KHDRBS3: variants seen among roughly 807,000 people sequenced by gnomAD.
KHDRBS3 encodes the protein KH RNA binding domain containing, signal transduction associated 3.
A neutral mutation model predicts 45.6 loss-of-function variants in KHDRBS3; 23 were observed. The ratio of observed to expected loss-of-function variants is 0.50; its 90% confidence interval spans 0.36 to 0.72. The LOEUF (loss-of-function observed/expected upper bound fraction) is 0.72. Ranked by LOEUF, KHDRBS3 falls within the 30% of genes least tolerant of loss-of-function variation. The probability of loss-of-function intolerance (pLI) is 0.00; values close to 1 mark genes in which losing one functional copy is unlikely to be tolerated. For synonymous variants in KHDRBS3, 162 were observed against 156.5 expected (o/e 1.04, Z -0.26); for missense variants, 352 against 424.8 (o/e 0.83, Z 1.51).
At chr8:135,573,866 G>A (rs1268450595) in intron 5 of KHDRBS3, among the ~76,000 whole-genome samples, 2 of 152,092 alleles carry the variant, frequency 1.3e-5, no homozygotes, top group African/African-American at 4.8e-5. Context: ...CAAAAAGAAA[G>A]AATTATTGCA....
intron 1 of KHDRBS3, among the ~76,000 whole-genome samples, chr8:135,463,690 G>A (rs1821546868): frequency 6.6e-6 from 1 of 152,172 alleles, no homozygotes; most frequent in Non-Finnish European, 1.5e-5. Context: ...TCTTACCTGA[G>A]AGAGTTATCC....
chr8:135,625,642 ACTT>A, intron 7 of KHDRBS3: 1 of 844,622 alleles, frequency 1.2e-6, no homozygotes, highest in Non-Finnish European at 2.1e-6. Context: ...GCATCAAAAA[ACTT>A]CTTGAAACAC....
At chr8:135,461,915 T>C (rs1279757676) in intron 1 of KHDRBS3, among the ~76,000 whole-genome samples, 1 of 152,230 alleles carries the variant, frequency 6.6e-6, no homozygotes, top group Non-Finnish European at 1.5e-5. Context: ...TATCAGTTTC[T>C]CAAATATTAC....
chr8:135,611,120 T>C (rs1829689975), intron 7 of KHDRBS3, among the ~76,000 whole-genome samples: 1 of 151,902 alleles, frequency 6.6e-6, no homozygotes, highest in African/African-American at 2.4e-5. Flanking sequence ...CTACCTTCTT[T>C]GAAGTGATCT....
chr8:135,632,368 C>T (rs1437208508), intron 7 of KHDRBS3, among the ~76,000 whole-genome samples: 2 of 152,002 alleles, frequency 1.3e-5, no homozygotes, highest in African/African-American at 4.8e-5. Context: ...CTCTTCTTGC[C>T]CTCTGCATTC....
intron 6 of KHDRBS3, among the ~76,000 whole-genome samples, chr8:135,594,097 T>C (rs575764819): frequency 6.6e-6 from 1 of 152,358 alleles, no homozygotes; most frequent in South Asian, 2.1e-4. Context: ...GTCATCTTTA[T>C]ACATTTTTAT....
chr8:135,536,988 A>T (rs79770780), intron 2 of KHDRBS3, among the ~76,000 whole-genome samples: 2 of 83,258 alleles, frequency 2.4e-5, no homozygotes, highest in East Asian at 4.1e-4. Flanking sequence ...AAAAAAAAAA[A>T]AAAAAAAAAG....
At position 135,529,720 on chromosome 8, in the gene KHDRBS3, AAC is replaced by A. The variant is rs748782454; in HGVS notation, c.207+8367_207+8368del. On this transcript the variant is annotated intron_variant, in intron 2 of 8. Transcript: ENST00000355849. Reference sequence around the variant, plus strand: ...TTTTTATTACATTTAAAAGACTAGAAACAGTCTATTACATGTATGTTTGTCAC... The same window carrying A: ...TTTTTATTACATTTAAAAGACTAGAAAGTCTATTACATGTATGTTTGTCAC... Among the ~76,000 whole-genome samples the A allele has an allele frequency of 4.5e-4, 69 of 152,314 alleles. 1 individual carries two copies. Among genetic ancestry groups the A allele is most frequent in the Non-Finnish European group, 8.1e-4 (55 of 68,016 alleles).
intron 5 of KHDRBS3, among the ~76,000 whole-genome samples, chr8:135,568,486 G>A (rs1180434676): frequency 1.3e-5 from 2 of 152,092 alleles, no homozygotes; most frequent in Non-Finnish European, 2.9e-5. Context: ...AGACATTTCT[G>A]GAGGAGAAAA....
At chr8:135,590,133 A>G (rs771205061) in intron 6 of KHDRBS3, among the ~76,000 whole-genome samples, 2 of 152,204 alleles carry the variant, frequency 1.3e-5, no homozygotes, top group African/African-American at 4.8e-5. Context: ...CGCCTAGGCT[A>G]TATGCTTTTA....
At position 135,458,112 on chromosome 8, in the gene KHDRBS3, G is replaced by A. The variant is rs1821211832; in HGVS notation, c.88+158G>A. ...GGTCGTTTGCACGGGGACCTGGGAGGCTGTGGGACACCTAGGGGAAGACCC... is the reference window on the plus strand; with the variant it reads ...GGTCGTTTGCACGGGGACCTGGGAGACTGTGGGACACCTAGGGGAAGACCC... On this transcript the variant is annotated intron_variant, in intron 1 of 8. Coordinates refer to ENST00000355849, the MANE Select transcript of KHDRBS3 (RefSeq NM_006558.3). The A allele has an allele frequency of 4.3e-6, 6 of 1,390,396 alleles. No homozygotes were observed. The South Asian group carries it at 9.4e-5, about 22-fold the overall frequency. 86.1% of individuals were successfully genotyped at this position (1,390,396 alleles called of 1,614,324 possible).
chr8:135,602,211 C>T (rs2131007451), intron 6 of KHDRBS3, among the ~76,000 whole-genome samples: 1 of 152,316 alleles, frequency 6.6e-6, no homozygotes, highest in South Asian at 2.1e-4. Flanking sequence ...ACCTTAGACA[C>T]TGATTTGCAG....
Position 135,457,612 on chromosome 8 carries a change from C to A in KHDRBS3, c.-255C>A. The A allele has an allele frequency of 6.8e-6, 1 of 147,064 alleles. No homozygotes were observed. Among genetic ancestry groups the A allele is most frequent in the South Asian group, 1.9e-4 (1 of 5,206 alleles). 9.1% of individuals were successfully genotyped at this position (147,064 alleles called of 1,614,324 possible). Reference sequence around the variant, plus strand: ...CCTAACCGCGCCGCCCGCGCCCGCTCCTCCTCGGCCCGCGCCCGGAGCGCG... The same window carrying A: ...CCTAACCGCGCCGCCCGCGCCCGCTACTCCTCGGCCCGCGCCCGGAGCGCG... On this transcript the variant is annotated 5_prime_UTR_variant, in exon 1 of 9. Transcript: ENST00000355849. The surrounding 1 kb of genome is among the most constrained non-coding windows in gnomAD (Gnocchi z 4.4).
chr8:135,557,259 G>A (rs2130830774), intron 4 of KHDRBS3, among the ~76,000 whole-genome samples, 189 bp from the exon 5 acceptor site: 1 of 152,202 alleles, frequency 6.6e-6, no homozygotes, highest in South Asian at 2.1e-4. Flanking sequence ...AAAAAATGCT[G>A]TAGTTTTTTT....
At chr8:135,511,809 C>T (rs969219419) in intron 1 of KHDRBS3, among the ~76,000 whole-genome samples, 3 of 152,272 alleles carry the variant, frequency 2.0e-5, no homozygotes, top group Non-Finnish European at 2.9e-5. Flanking sequence ...CCGCCCGTCT[C>T]GGCCTCCCAA....
intron 3 of KHDRBS3, 77 bp from the exon 4 acceptor site, chr8:135,548,677 T>G: frequency 8.8e-7 from 1 of 1,137,958 alleles, no homozygotes; most frequent in Middle Eastern, 3.0e-4. Flanking sequence ...GGGTTAGTTT[T>G]TATTTATTTA....
At chr8:135,484,614 T>C (rs1415996975) in intron 1 of KHDRBS3, among the ~76,000 whole-genome samples, 1 of 152,250 alleles carries the variant, frequency 6.6e-6, no homozygotes, top group Non-Finnish European at 1.5e-5. Context: ...TACTGCAAAG[T>C]GAACATGGCA....
chr8:135,644,685 TTGGCACAC>T (rs1338020018), intron 7 of KHDRBS3, among the ~76,000 whole-genome samples: 8 of 152,212 alleles, frequency 5.3e-5, no homozygotes, highest in Non-Finnish European at 4.4e-5. Context: ...GCCCTAGCTC[TTGGCACAC>T]TGGGCTAGAA....
chr8:135,581,451 C>T (rs1271983191), intron 5 of KHDRBS3, among the ~76,000 whole-genome samples: 2 of 152,134 alleles, frequency 1.3e-5, no homozygotes, highest in African/African-American at 4.8e-5. Flanking sequence ...TGGCCTCTGG[C>T]TTTGCTCACA....
Sources: gnomAD v4.1 joint callset for allele counts (sites outside exome capture counted in the v4.1 genomes callset) on GRCh38, gnomAD v4.1.1 for gene constraint, Gnocchi (gnomAD v3.1) non-coding constraint, MANE v1.5 for transcripts, NCBI Gene and HGNC (gene_info 2026-07-23, HGNC 2026-07-21) for gene names.